The following REDIC1 variants were observed in gnomAD, a reference collection of about 807,000 sequenced individuals.
The protein encoded by REDIC1 is HEI10 Interacting Protein 1.
chr12:39,907,434 A>G, the REDIC1 span, among the ~76,000 whole-genome samples: 1 of 152,124 alleles, frequency 6.6e-6, no homozygotes, highest in South Asian at 2.1e-4. Flanking sequence ...CTTTTTGTGT[A>G]GCACTCAAGA....
At chr12:39,679,198 A>G in the REDIC1 span, among the ~76,000 whole-genome samples, 1 of 152,188 alleles carries the variant, frequency 6.6e-6, no homozygotes, top group Admixed American at 6.5e-5. Flanking sequence ...ATCCAAATAG[A>G]TAAAGAGGAA....
chr12:39,712,984 T>C, the REDIC1 span, among the ~76,000 whole-genome samples: 3 of 20,572 alleles, frequency 1.5e-4, no homozygotes, highest in East Asian at 1.5e-3. Flanking sequence ...TATATATACA[T>C]GTGTATATAC....
the REDIC1 span, chr12:39,683,382 T>C: frequency 4.7e-6 from 7 of 1,479,630 alleles, no homozygotes; most frequent in Non-Finnish European, 6.6e-6. Flanking sequence ...CTATGCTAAA[T>C]TTTTAACTCG....
chr12:39,764,694 G>A, the REDIC1 span: 2 of 1,594,740 alleles, frequency 1.3e-6, no homozygotes, highest in Non-Finnish European at 1.7e-6. Context: ...TCCAAAAAGA[G>A]GCAATTCAAT....
chr12:39,711,262 GAT>G, the REDIC1 span, among the ~76,000 whole-genome samples: 49 of 148,492 alleles, frequency 3.3e-4, no homozygotes, highest in East Asian at 9.4e-3. Context: ...ATATATATGT[GAT>G]ATGTGTATAT....
At chr12:39,694,766 G>A in the REDIC1 span, among the ~76,000 whole-genome samples, 1 of 152,090 alleles carries the variant, frequency 6.6e-6, no homozygotes, top group East Asian at 1.9e-4. Flanking sequence ...ACACCAGCTG[G>A]GGCAGCTAAG....
the REDIC1 span, among the ~76,000 whole-genome samples, chr12:39,751,786 G>A: frequency 6.6e-6 from 1 of 152,110 alleles, no homozygotes; most frequent in Admixed American, 6.5e-5. Context: ...ATCATTCTCA[G>A]CAAACTATCA....
At chr12:39,849,437 A>G in the REDIC1 span, among the ~76,000 whole-genome samples, 18 of 152,142 alleles carry the variant, frequency 1.2e-4, no homozygotes, top group African/African-American at 4.3e-4. Flanking sequence ...TATTTGTGAG[A>G]CAGAAGCTCA....
chr12:39,812,607 G>C, the REDIC1 span, among the ~76,000 whole-genome samples: 8 of 151,884 alleles, frequency 5.3e-5, no homozygotes, highest in African/African-American at 1.9e-4. Context: ...TGAGTAGCTA[G>C]GACTACAGGC....
the REDIC1 span, among the ~76,000 whole-genome samples, chr12:39,813,055 C>T: frequency 9.8e-5 from 10 of 101,688 alleles, no homozygotes; most frequent in East Asian, 1.4e-3. Context: ...ATGTTGGCCA[C>T]GCTGGTCTCA....
At chr12:39,682,161 G>C in the REDIC1 span, among the ~76,000 whole-genome samples, 1 of 151,846 alleles carries the variant, frequency 6.6e-6, no homozygotes, top group South Asian at 2.1e-4. Context: ...TCCATATTAG[G>C]TTGAAAAATA....
the REDIC1 span, among the ~76,000 whole-genome samples, chr12:39,694,542 A>G: frequency 6.6e-6 from 1 of 152,206 alleles, no homozygotes. Flanking sequence ...CATGGAGGGA[A>G]TATTTAAACC....
the REDIC1 span, among the ~76,000 whole-genome samples, chr12:39,832,812 T>C: frequency 0.62 from 93,884 of 151,876 alleles, 29,198 homozygotes; most frequent in East Asian, 0.77. Context: ...ATTATACCCA[T>C]CTGGTAAAAA....
chr12:39,795,284 C>T, the REDIC1 span, among the ~76,000 whole-genome samples: 1,503 of 152,070 alleles, frequency 9.9e-3, 49 homozygotes, highest in Admixed American at 0.045. Context: ...TTTCAGTTCA[C>T]TAATTCTACT....
At chr12:39,887,873 G>T in the REDIC1 span, among the ~76,000 whole-genome samples, 2 of 152,142 alleles carry the variant, frequency 1.3e-5, no homozygotes, top group Non-Finnish European at 2.9e-5. Flanking sequence ...GATTCAATAA[G>T]GCAGGAGTGG....
the REDIC1 span, among the ~76,000 whole-genome samples, chr12:39,728,020 C>T: frequency 2.0e-5 from 3 of 152,260 alleles, no homozygotes; most frequent in African/African-American, 7.2e-5. Context: ...TGAGACTTTC[C>T]TGAAGTTGCT....
the REDIC1 span, among the ~76,000 whole-genome samples, chr12:39,789,263 CA>C: frequency 6.6e-6 from 1 of 152,070 alleles, no homozygotes; most frequent in Admixed American, 6.6e-5. Context: ...CCTAAAAATA[CA>C]TATCACTTGG....
chr12:39,897,637 T>C, the REDIC1 span, among the ~76,000 whole-genome samples: 1 of 152,206 alleles, frequency 6.6e-6, no homozygotes, highest in South Asian at 2.1e-4. Flanking sequence ...ATGGCTAGCA[T>C]ACTGAGAAGG....
At chr12:39,735,134 A>T in the REDIC1 span, among the ~76,000 whole-genome samples, 1 of 152,144 alleles carries the variant, frequency 6.6e-6, no homozygotes, top group Non-Finnish European at 1.5e-5. Context: ...CCTGGGAGTG[A>T]TGTGCTACCA....
Sources: gnomAD v4.1 joint callset for allele counts (sites outside exome capture counted in the v4.1 genomes callset) on GRCh38, gnomAD v4.1.1 for gene constraint, MANE v1.5 for transcripts, NCBI Gene and HGNC (gene_info 2026-07-23, HGNC 2026-07-21) for gene names.